Variants in DSCAM observed in about 807,000 individuals in gnomAD.
The protein encoded by DSCAM is DS cell adhesion molecule.
Under a neutral mutation model 217.7 loss-of-function variants are expected in DSCAM, and 47 were observed. The ratio of observed to expected loss-of-function variants is 0.22; its 90% CI spans 0.17 to 0.28. DSCAM has a LOEUF of 0.28. DSCAM is among the 10% of genes least tolerant of loss of function. DSCAM has a pLI of 1.00. For synonymous variants in DSCAM, 1,056 were observed against 1,015.3 expected (o/e 1.04, Z -0.76); for missense variants, 2,080 against 2,618.3 (o/e 0.79, Z 4.49).
intron 1 of DSCAM, among the ~76,000 whole-genome samples, chr21:40,764,393 C>A (rs895782596): frequency 2.0e-5 from 3 of 150,478 alleles, no homozygotes; most frequent in Middle Eastern, 3.2e-3. Context: ...ATCAAAATCA[C>A]AATGAGATAC....
chr21:40,022,874 CT>C (rs1329514507), intron 32 of DSCAM, among the ~76,000 whole-genome samples: 1 of 151,046 alleles, frequency 6.6e-6, no homozygotes, highest in East Asian at 1.9e-4. Context: ...ATTTTCTTTT[CT>C]TTTTTTCTTT....
intron 1 of DSCAM, among the ~76,000 whole-genome samples, chr21:40,825,092 G>A (rs1384673377): frequency 6.6e-6 from 1 of 152,066 alleles, no homozygotes; most frequent in African/African-American, 2.4e-5. Context: ...TTCTTGCACA[G>A]TCGTTAATAT....
intron 3 of DSCAM, 48 bp from the exon 4 acceptor site, chr21:40,369,293 CCCAA>C: frequency 6.4e-7 from 1 of 1,559,108 alleles, no homozygotes; most frequent in Non-Finnish European, 8.6e-7. Flanking sequence ...ATGAAAGCAA[CCCAA>C]CCACACAGAC....
At chr21:40,610,250 G>C (rs1379950791) in intron 3 of DSCAM, among the ~76,000 whole-genome samples, 2 of 152,310 alleles carry the variant, frequency 1.3e-5, no homozygotes, top group Non-Finnish European at 1.5e-5. Context: ...ACCATCTGCT[G>C]CCCTGACGGC....
chr21:40,418,807 G>A (rs1436476794), intron 3 of DSCAM, among the ~76,000 whole-genome samples: 2 of 151,800 alleles, frequency 1.3e-5, no homozygotes, highest in Admixed American at 1.3e-4. Context: ...TGAATTAGTG[G>A]GGTAAAATAC....
At chr21:40,044,523 A>G (rs1042708113) in intron 30 of DSCAM, among the ~76,000 whole-genome samples, 1 of 152,186 alleles carries the variant, frequency 6.6e-6, no homozygotes, top group African/African-American at 2.4e-5. Flanking sequence ...CAGAAGTTAC[A>G]TATTTGAGTC....
At chr21:40,765,585 G>C (rs532318579) in intron 1 of DSCAM, among the ~76,000 whole-genome samples, 44 of 152,236 alleles carry the variant, frequency 2.9e-4, no homozygotes, top group African/African-American at 1.0e-3. Flanking sequence ...AGCAATGGGG[G>C]AGGGATGGGG....
At chr21:40,356,118 T>C (rs2074689972) in intron 4 of DSCAM, among the ~76,000 whole-genome samples, 1 of 152,218 alleles carries the variant, frequency 6.6e-6, no homozygotes, top group South Asian at 2.1e-4. Context: ...TGCAGATATG[T>C]AATTTCATTT....
At chr21:40,110,347 C>T (rs1485195919) in intron 20 of DSCAM, among the ~76,000 whole-genome samples, 1 of 152,208 alleles carries the variant, frequency 6.6e-6, no homozygotes, top group Non-Finnish European at 1.5e-5. Flanking sequence ...AGACCTTCAC[C>T]TGAGGGTCCT....
At chr21:40,060,458 G>A (rs939540480) in intron 28 of DSCAM, among the ~76,000 whole-genome samples, 1 of 152,030 alleles carries the variant, frequency 6.6e-6, no homozygotes, top group African/African-American at 2.4e-5. Flanking sequence ...TTTGGGAGTA[G>A]ATAGGGGAGG....
At chr21:40,087,369 C>A in intron 21 of DSCAM, 82 bp from the exon 22 acceptor site, 3 of 1,020,012 alleles carry the variant, frequency 2.9e-6, no homozygotes, top group Middle Eastern at 2.3e-4. Flanking sequence ...TCAATAAGGG[C>A]AATACCTAAA....
intron 1 of DSCAM, among the ~76,000 whole-genome samples, chr21:40,762,872 A>C (rs1329633624): frequency 6.6e-6 from 1 of 152,236 alleles, no homozygotes; most frequent in Non-Finnish European, 1.5e-5. Context: ...GATGCAGAAA[A>C]GGACTGATAA....
At chr21:40,089,637 A>G (rs1017480911) in intron 21 of DSCAM, among the ~76,000 whole-genome samples, 1 of 152,030 alleles carries the variant, frequency 6.6e-6, no homozygotes, top group Non-Finnish European at 1.5e-5. Context: ...TGACTTCCCA[A>G]CAACTACAGA....
At chr21:40,816,983 C>A (rs116116365) in intron 1 of DSCAM, among the ~76,000 whole-genome samples, 207 of 152,230 alleles carry the variant, frequency 1.4e-3, no homozygotes, top group African/African-American at 4.8e-3. Context: ...AATTTCATAG[C>A]CTTTAAAATC....
chr21:40,694,612 A>AT (rs2090576073), intron 2 of DSCAM, among the ~76,000 whole-genome samples: 1 of 151,786 alleles, frequency 6.6e-6, no homozygotes, highest in African/African-American at 2.4e-5. Context: ...AACCAGAGAG[A>AT]TTTTTCCAAG....
intron 3 of DSCAM, among the ~76,000 whole-genome samples, chr21:40,386,458 G>A (rs781621154): frequency 2.6e-5 from 4 of 152,266 alleles, no homozygotes; most frequent in African/African-American, 9.6e-5. Flanking sequence ...TGGAGCCGCC[G>A]CCCACGCCGG....
At chr21:40,621,626 A>G (rs987948841) in intron 3 of DSCAM, among the ~76,000 whole-genome samples, 3 of 151,838 alleles carry the variant, frequency 2.0e-5, no homozygotes, top group Non-Finnish European at 4.4e-5. Context: ...CCAAAGTCAT[A>G]TAGTGCTTTC....
chr21:40,187,201 G>A lies in DSCAM; in HGVS notation c.2709C>T (p.Leu903=), dbSNP rs375433268. 13 of 1,614,130 alleles carry A rather than the reference G, an allele frequency of 8.1e-6. No individual in the cohort carries two copies. The African/African-American group carries it at 1.6e-4, about 20-fold the overall frequency. Residue 903 remains leucine (L), a synonymous_variant, in exon 14 of 33, where the codon CTC becomes CTT. Coordinates refer to ENST00000400454, the MANE Select transcript of DSCAM (RefSeq NM_001389.5). ...IKDVKARTIT[L]RWTMGFDGNS... ...TTCCATCAAACCCCATGGTCCACCTGAGCGTAATTGTGCGTGCTTTGACAT... is the reference window on the plus strand; with the variant it reads ...TTCCATCAAACCCCATGGTCCACCTAAGCGTAATTGTGCGTGCTTTGACAT...
chr21:40,285,535 A>G (rs999437297), intron 10 of DSCAM, among the ~76,000 whole-genome samples: 9 of 152,202 alleles, frequency 5.9e-5, no homozygotes, highest in African/African-American at 2.2e-4. Flanking sequence ...TTAGGGTAGC[A>G]CAGAGGAAGG....
Sources: allele counts gnomAD v4.1 joint callset (sites outside exome capture counted in the v4.1 genomes callset), GRCh38; gene constraint gnomAD v4.1.1; transcripts MANE v1.5; gene names NCBI Gene and HGNC (gene_info 2026-07-23, HGNC 2026-07-21).